Variants in CBFA2T3 observed in about 807,000 individuals in gnomAD.
The protein encoded by CBFA2T3 is CBFA2/RUNX1 partner transcriptional co-repressor 3.
In CBFA2T3, 31 loss-of-function variants were observed where a neutral mutation model predicts 58.6. That is an observed-to-expected ratio of 0.53 (90% CI 0.40 to 0.71). CBFA2T3 has a LOEUF of 0.71. Ranked by LOEUF, CBFA2T3 falls within the 30% of genes least tolerant of loss-of-function variation. The probability of loss-of-function intolerance (pLI) is 0.00; values close to 1 mark genes in which losing one functional copy is unlikely to be tolerated. For synonymous variants in CBFA2T3, 531 were observed against 421.9 expected, an observed-to-expected ratio of 1.26 and a Z score of -3.17; for missense variants, 1,076 against 963.1, an observed-to-expected ratio of 1.12 and a Z score of -1.55.
chr16:88,886,178 A>G, intron 5 of CBFA2T3, 36 bp from the exon 6 acceptor site: 3 of 1,464,122 alleles, frequency 2.0e-6, no homozygotes, highest in Non-Finnish European at 9.1e-7. Flanking sequence ...GGTAGCATGC[A>G]GGGGTGCACA....
chr16:88,959,276 G>A (rs1000850926), intron 1 of CBFA2T3, among the ~76,000 whole-genome samples: 2 of 152,238 alleles, frequency 1.3e-5, no homozygotes, highest in Admixed American at 6.5e-5. Context: ...GGCCGCGGAC[G>A]GGTGGTGGGG....
chr16:88,908,782 G>A (rs983116195), intron 1 of CBFA2T3, among the ~76,000 whole-genome samples: 2 of 152,264 alleles, frequency 1.3e-5, no homozygotes, highest in African/African-American at 4.8e-5. Flanking sequence ...TGGGGCATAG[G>A]ACGCTGGGCA....
chr16:88,931,811 G>A (rs931804096), intron 1 of CBFA2T3, among the ~76,000 whole-genome samples: 1 of 152,154 alleles, frequency 6.6e-6, no homozygotes, highest in Non-Finnish European at 1.5e-5. Context: ...AGTGAGCCCT[G>A]GTGTCACGGC....
At position 88,904,767 on chromosome 16, in the gene CBFA2T3, TG is replaced by T. The variant is rs748522193; in HGVS notation, c.152-3112del. 1.5e-4 allele frequency among the ~76,000 whole-genome samples: 23 copies of T among 152,100 alleles called. No individual in the cohort carries two copies. In the Middle Eastern group the frequency reaches 0.014, roughly 90 times the overall value. ...TGTGCAGGTGATGGGACCTCACGGG[TG>T]TCTGTTGAATCCTGTGTGAGTGCTC... On this transcript the variant is annotated intron_variant, in intron 1 of 11. Transcript: ENST00000268679.
At chr16:88,889,067 T>A (rs541556830) in intron 5 of CBFA2T3, among the ~76,000 whole-genome samples, 100 of 151,854 alleles carry the variant, frequency 6.6e-4, no homozygotes, top group African/African-American at 2.4e-3. Flanking sequence ...CAAGGGTGGC[T>A]GAGGCTGGGG....
chr16:88,924,141 G>A (rs1424991484), intron 1 of CBFA2T3, among the ~76,000 whole-genome samples: 6 of 130,130 alleles, frequency 4.6e-5, no homozygotes, highest in Admixed American at 3.0e-4. Flanking sequence ...GGACCCCTGC[G>A]GTGGGGCGGG....
chr16:88,881,332 C>G lies in CBFA2T3; in HGVS notation c.1361G>C (p.Arg454Pro), dbSNP rs200173287. ...GGGACCGGCGGAGCTGCTGCGGGGC[C>G]GGGCCGCGGCGGGAGCGGGGCCCTT... is the stretch of plus-strand genomic sequence containing the variant. Reference protein sequence around the residue: ...TKKGPAPAAARPRSSSAGPEG... With the variant: ...TKKGPAPAAAPPRSSSAGPEG... Residue 454 changes from arginine (R) to proline (P), a missense_variant, in exon 9 of 12, where the codon CGG becomes CCG. Arg to Pro is a moderately radical substitution (Grantham distance 103, BLOSUM62 -2). Transcript: ENST00000268679. 1.3e-6 allele frequency: 2 copies of G among 1,579,262 alleles called. No individual in the cohort carries two copies. Among genetic ancestry groups the G allele is most frequent in the Admixed American group, 1.8e-5 (1 of 56,406 alleles).
At chr16:88,893,242 C>G (rs1969722947) in intron 3 of CBFA2T3, among the ~76,000 whole-genome samples, 1 of 150,666 alleles carries the variant, frequency 6.6e-6, no homozygotes, top group African/African-American at 2.4e-5. Context: ...CAGGCGCCTC[C>G]CAGCCCTGAG....
chr16:88,905,712 GAGGGGCGGGGCTGA>G (rs1567597450), intron 1 of CBFA2T3, among the ~76,000 whole-genome samples: 1 of 135,876 alleles, frequency 7.4e-6, no homozygotes, highest in Non-Finnish European at 1.6e-5. Context: ...GGCGGGGCTG[GAGGGGCGGGGCTGA>G]AGGAGGGGCG....
intron 1 of CBFA2T3, among the ~76,000 whole-genome samples, chr16:88,910,059 C>A (rs924331261): frequency 1.3e-5 from 2 of 152,204 alleles, no homozygotes; most frequent in African/African-American, 4.8e-5. Flanking sequence ...TGGTGCCTGG[C>A]TGTCCCCTCT....
In CBFA2T3 at chr16:88,885,142, G is replaced by A. The variant is rs1435943104; in HGVS notation, c.1021C>T (p.His341Tyr). The part of the protein sequence containing the change: ...NGPPQPTPPP[H>Y]YRLEDIAMAH... ...ATGGCTATGTCCTCCAGGCGGTAGT[G>A]CGGCGGCGGTGTGGGCTGCGGTGGC... The change falls in exon 7 of 12, where the codon CAC becomes TAC. Residue 341 changes from histidine to tyrosine, a missense_variant. Physicochemically the swap from His to Tyr is moderately conservative, Grantham distance 83 (BLOSUM62 2). Transcript: ENST00000268679. This position sits in a 1 kb window ranked among gnomAD's most constrained non-coding sequence, Gnocchi z 5.3. 2 of 1,601,042 alleles carry A rather than the reference G, an allele frequency of 1.2e-6. No homozygotes were observed. The highest frequency in any genetic ancestry group is 1.7e-6 in the Non-Finnish European group (2 of 1,174,990).
chr16:88,954,549 T>C (rs80023729), intron 1 of CBFA2T3, among the ~76,000 whole-genome samples: 79 of 44,558 alleles, frequency 1.8e-3, no homozygotes, highest in African/African-American at 3.5e-3. Flanking sequence ...GCTCCTGACC[T>C]CAGCCAAGGC....
chr16:88,976,128 G>A (rs535996049), intron 1 of CBFA2T3, among the ~76,000 whole-genome samples: 1 of 152,290 alleles, frequency 6.6e-6, no homozygotes, highest in Non-Finnish European at 1.5e-5. Flanking sequence ...GCAGGCCCAG[G>A]TTCCCCGTAA....
At chr16:88,937,744 G>T (rs948855043) in intron 1 of CBFA2T3, 1 of 152,310 alleles carries the variant, frequency 6.6e-6, no homozygotes, top group African/African-American at 2.4e-5. Flanking sequence ...CCCCCGCCTG[G>T]TATGGAGTAG....
Position 88,875,323 on chromosome 16 carries a change from G to A in CBFA2T3, c.*1653C>T. 4.4e-6 allele frequency: 1 copy of A among 227,234 alleles called. No homozygotes were observed. 14.1% of individuals were successfully genotyped at this position (227,234 alleles called of 1,614,324 possible). A position where few individuals can be genotyped will look rare whatever the true frequency, so the allele number is the denominator to read the frequency against. ...TTCTTGAAATCGCTGAGGCAGTTGA[G>A]AGGAGTGGAGGGAGGGTGGGCAGGG... is the stretch of plus-strand genomic sequence containing the variant. On this transcript the variant is annotated 3_prime_UTR_variant, in exon 12 of 12. Transcript: ENST00000268679.
intron 1 of CBFA2T3, among the ~76,000 whole-genome samples, chr16:88,920,441 CA>C (rs1198921413): frequency 7.1e-6 from 1 of 141,588 alleles, no homozygotes; most frequent in South Asian, 2.2e-4. Context: ...CATACCCGGC[CA>C]ATTTTTTTTT....
chr16:88,943,283 C>T (rs115946110), intron 1 of CBFA2T3, among the ~76,000 whole-genome samples: 1 of 152,156 alleles, frequency 6.6e-6, no homozygotes, highest in Non-Finnish European at 1.5e-5. Flanking sequence ...GGACCTGGGC[C>T]GGAAGCCCTC....
At chr16:88,941,012 G>T in intron 1 of CBFA2T3, 1 of 977,350 alleles carries the variant, frequency 1.0e-6, no homozygotes, top group Non-Finnish European at 1.2e-6. Flanking sequence ...GGCGGACACG[G>T]CACTTACGGT....
At chr16:88,896,335 T>C (rs1464025579) in intron 3 of CBFA2T3, among the ~76,000 whole-genome samples, 2 of 152,204 alleles carry the variant, frequency 1.3e-5, no homozygotes, top group East Asian at 1.9e-4. Flanking sequence ...GTAGCCTGTC[T>C]GCGCCCCTGG....
Sources: allele counts gnomAD v4.1 joint callset (sites outside exome capture counted in the v4.1 genomes callset), GRCh38; gene constraint gnomAD v4.1.1; non-coding constraint Gnocchi (gnomAD v3.1); transcripts MANE v1.5; gene names NCBI Gene and HGNC (gene_info 2026-07-23, HGNC 2026-07-21).